Variants in CDIP1 observed in about 807,000 individuals in gnomAD.
CDIP1 encodes cell death-inducing p53-target protein 1.
Under a neutral mutation model 17.7 loss-of-function variants are expected in CDIP1, and 9 were observed. The observed-to-expected ratio is 0.51, with a 90% CI of 0.31 to 0.89. The LOEUF is 0.89. Ranked by LOEUF, CDIP1 falls within the 40% of genes least tolerant of loss-of-function variation. The pLI is 0.05. For synonymous variants in CDIP1, 117 were observed against 109.5 expected, an observed-to-expected ratio of 1.07 and a Z score of -0.43; for missense variants, 263 against 277.9, an observed-to-expected ratio of 0.95 and a Z score of 0.38.
intron 1 of CDIP1, among the ~76,000 whole-genome samples, chr16:4,537,482 G>C (rs2059120415): frequency 6.6e-6 from 1 of 152,170 alleles, no homozygotes; most frequent in African/African-American, 2.4e-5. Flanking sequence ...ACCCAGGAGA[G>C]CAGTAACTTG....
intron 1 of CDIP1, among the ~76,000 whole-genome samples, chr16:4,530,539 C>T (rs942453950): frequency 2.6e-5 from 4 of 151,826 alleles, no homozygotes; most frequent in African/African-American, 9.7e-5. Context: ...ATCCCAGCTA[C>T]TCGGGAGGCT....
In CDIP1 at chr16:4,510,827, T is replaced by C. The variant is rs141328854; in HGVS notation, c.*1745A>G. ...AAGACTGCCACCTTCATAATTCAGA[T>C]GAGTTAGTGCAGAGATGGCCAGGGC... On this transcript the variant is annotated 3_prime_UTR_variant, in exon 6 of 6. Coordinates refer to ENST00000567695, the MANE Select transcript of CDIP1 (RefSeq NM_013399.3). 9.8e-4 allele frequency: 149 copies of C among 152,302 alleles called. 1 individual carries two copies. Among genetic ancestry groups the C allele is most frequent in the African/African-American group, 3.4e-3 (143 of 41,562 alleles). The allele number at this position is 152,302 out of a possible 1,614,324, so 9.4% of individuals were successfully genotyped here. A position where few individuals can be genotyped will look rare whatever the true frequency, so the allele number is the denominator to read the frequency against.
intron 1 of CDIP1, among the ~76,000 whole-genome samples, chr16:4,518,656 A>C (rs2058913032): frequency 6.6e-6 from 1 of 152,212 alleles, no homozygotes; most frequent in Non-Finnish European, 1.5e-5. Flanking sequence ...ACAGCTCATG[A>C]AGATTTCCCG....
At chr16:4,521,238 A>G (rs2058944416) in intron 1 of CDIP1, among the ~76,000 whole-genome samples, 1 of 152,132 alleles carries the variant, frequency 6.6e-6, no homozygotes, top group Non-Finnish European at 1.5e-5. Flanking sequence ...AAGCCATCAC[A>G]AACAAAGAGG....
chr16:4,531,635 G>A (rs1223800876), intron 1 of CDIP1, among the ~76,000 whole-genome samples: 3 of 152,318 alleles, frequency 2.0e-5, no homozygotes, highest in South Asian at 2.1e-4. Context: ...AGCAGTCTCC[G>A]AGGAGAGAAG....
intron 1 of CDIP1, among the ~76,000 whole-genome samples, chr16:4,522,000 C>T (rs572150029): frequency 3.9e-5 from 6 of 152,322 alleles, no homozygotes; most frequent in South Asian, 2.1e-4. Context: ...CAGGTATTGA[C>T]GCCTCTGCCA....
chr16:4,531,889 G>A (rs1475567289), intron 1 of CDIP1, among the ~76,000 whole-genome samples: 1 of 152,256 alleles, frequency 6.6e-6, no homozygotes, highest in Non-Finnish European at 1.5e-5. Flanking sequence ...ATGGTACCCA[G>A]GACAAAAAGC....
At chr16:4,522,016 T>C (rs1337761695) in intron 1 of CDIP1, among the ~76,000 whole-genome samples, 4 of 152,088 alleles carry the variant, frequency 2.6e-5, no homozygotes, top group Admixed American at 2.0e-4. Flanking sequence ...TGCCATGGAG[T>C]GCCTTCTGAT....
rs895878794 is a variant in CDIP1, at chr16:4,513,327, G to C, written c.242-263C>G. 6.6e-6 allele frequency among the ~76,000 whole-genome samples: 1 copy of C among 152,076 alleles called. No individual in the cohort carries two copies. The highest frequency in any genetic ancestry group is 6.5e-5 in the Admixed American group (1 of 15,282). Reference sequence around the variant, plus strand: ...GGCAGAGAGCCAGGCACATGGCCCGGTCCCTCTGCTCCTCTGTCTGTCTCC... The same window carrying C: ...GGCAGAGAGCCAGGCACATGGCCCGCTCCCTCTGCTCCTCTGTCTGTCTCC... On this transcript the variant is annotated intron_variant, in intron 4 of 5. Transcript: ENST00000567695. This position sits in a 1 kb window ranked among gnomAD's most constrained non-coding sequence, Gnocchi z 4.1.
intron 1 of CDIP1, among the ~76,000 whole-genome samples, chr16:4,530,304 C>T (rs1242579126): frequency 6.6e-6 from 1 of 152,222 alleles, no homozygotes; most frequent in Non-Finnish European, 1.5e-5. Flanking sequence ...AATTCACTTA[C>T]ATTGGTTGGG....
chr16:4,512,416 C>T lies in CDIP1; in HGVS notation c.*156G>A, dbSNP rs117431409. The T allele has an allele frequency of 3.9e-3, 2,466 of 628,984 alleles. 14 individuals are homozygous for T. Among genetic ancestry groups the T allele is most frequent in the South Asian group, 5.9e-3 (318 of 53,908 alleles). The allele number at this position is 628,984 out of a possible 1,614,324, so 39.0% of individuals were successfully genotyped here. A position where few individuals can be genotyped will look rare whatever the true frequency, so the allele number is the denominator to read the frequency against. ...ACAGAATTTTTGCCAGAAGAGTCAG[C>T]GGCTCAGGTAGGGCAGGGTGAAGAG... On this transcript the variant is annotated 3_prime_UTR_variant, in exon 6 of 6. Transcript: ENST00000567695. This position sits in a 1 kb window ranked among gnomAD's most constrained non-coding sequence, Gnocchi z 4.6.
intron 1 of CDIP1, among the ~76,000 whole-genome samples, chr16:4,533,949 G>A (rs2059080288): frequency 6.6e-6 from 1 of 152,006 alleles, no homozygotes; most frequent in South Asian, 2.1e-4. Flanking sequence ...GACCTCCTGT[G>A]CCATTCTTTT....
chr16:4,536,554 CAATTTTG>C, intron 1 of CDIP1: 1 of 152,246 alleles, frequency 6.6e-6, no homozygotes. Context: ...CTTCTCAAAA[CAATTTTG>C]TTCCCTGAAG....
chr16:4,522,267 G>C (rs1180298797), intron 1 of CDIP1: 1 of 152,274 alleles, frequency 6.6e-6, no homozygotes, highest in African/African-American at 2.4e-5. Flanking sequence ...AAATGCCAGG[G>C]GCCTGCCTGG....
At position 4,512,653 on chromosome 16, in the gene CDIP1, G is replaced by T. The variant is rs2058843437; in HGVS notation, c.546C>A (p.Cys182Ter). The T allele has an allele frequency of 1.2e-6, 2 of 1,613,926 alleles. No homozygotes were observed. Among genetic ancestry groups the T allele is most frequent in the South Asian group, 1.1e-5 (1 of 91,086 alleles). The change falls in exon 6 of 6, where the codon TGC becomes TGA. Residue 182 changes from cysteine (C) to a stop codon, truncating the protein, a stop_gained. Coordinates refer to ENST00000567695, the MANE Select transcript of CDIP1 (RefSeq NM_013399.3). LOFTEE classifies it high-confidence loss of function. The surrounding 1 kb of genome is among the most constrained non-coding windows in gnomAD (Gnocchi z 4.6). ...GCDLGCCLIPCLINDFKDVTH... is the reference protein window; with the variant it reads ...GCDLGCCLIP The stretch of plus-strand genomic sequence containing the variant: ...TCACATCCTTGAAGTCATTGATGAG[G>T]CAGGGGATCAGGCAGCAGCCCAGAT...
chr16:4,537,608 G>T (rs932019209), intron 1 of CDIP1, among the ~76,000 whole-genome samples: 10 of 152,330 alleles, frequency 6.6e-5, no homozygotes, highest in African/African-American at 2.4e-4. Flanking sequence ...CAGGTTCTCA[G>T]CCCCAGCTGC....
At chr16:4,521,066 T>C (rs2058941592) in intron 1 of CDIP1, among the ~76,000 whole-genome samples, 1 of 148,974 alleles carries the variant, frequency 6.7e-6, no homozygotes, top group East Asian at 2.0e-4. Flanking sequence ...TGATTTTTAC[T>C]GCTTTTTCTG....
At chr16:4,526,306 G>T (rs1288626597) in intron 1 of CDIP1, among the ~76,000 whole-genome samples, 1 of 152,204 alleles carries the variant, frequency 6.6e-6, no homozygotes, top group Admixed American at 6.5e-5. Context: ...TCGGGAGGCT[G>T]AGGCAGGAGA....
At chr16:4,527,816 G>A (rs1274494544) in intron 1 of CDIP1, among the ~76,000 whole-genome samples, 1 of 152,140 alleles carries the variant, frequency 6.6e-6, no homozygotes, top group Admixed American at 6.6e-5. Flanking sequence ...AAATGATATA[G>A]TTTTGTTTTT....
Sources: gnomAD v4.1 joint callset for allele counts (sites outside exome capture counted in the v4.1 genomes callset) on GRCh38, gnomAD v4.1.1 for gene constraint, Gnocchi (gnomAD v3.1) non-coding constraint, MANE v1.5 for transcripts, NCBI Gene and HGNC (gene_info 2026-07-23, HGNC 2026-07-21) for gene names.